RPS6KA5: variants seen among roughly 807,000 people sequenced by gnomAD.
The protein encoded by RPS6KA5 is ribosomal protein S6 kinase A5, also known as ribosomal protein S6 kinase alpha-5.
Under a neutral mutation model 85.5 loss-of-function variants are expected in RPS6KA5, and 27 were observed. The observed-to-expected ratio is 0.32, with a 90% CI of 0.23 to 0.44. The LOEUF is 0.44. Ranked by LOEUF, RPS6KA5 falls within the 20% of genes least tolerant of loss-of-function variation. RPS6KA5 has a pLI of 1.00. For missense variants in RPS6KA5, 811 were observed against 980.9 expected, an observed-to-expected ratio of 0.83 and a Z score of 2.31; for synonymous variants, 334 against 348.2, an observed-to-expected ratio of 0.96 and a Z score of 0.46.
intron 1 of RPS6KA5, among the ~76,000 whole-genome samples, chr14:91,017,700 C>G (rs1169504832): frequency 2.0e-5 from 3 of 152,212 alleles, no homozygotes; most frequent in Non-Finnish European, 4.4e-5. Flanking sequence ...AGTGGCACCA[C>G]TCACTATTAA....
intron 14 of RPS6KA5, among the ~76,000 whole-genome samples, chr14:90,890,198 T>A (rs1414701476): frequency 6.6e-6 from 1 of 152,224 alleles, no homozygotes; most frequent in East Asian, 1.9e-4. Context: ...ATGTCCAATA[T>A]AATATGTGTC....
chr14:90,981,009 T>C (rs1198025564), intron 2 of RPS6KA5, among the ~76,000 whole-genome samples: 1 of 152,124 alleles, frequency 6.6e-6, no homozygotes, highest in Non-Finnish European at 1.5e-5. Flanking sequence ...CTGTCTCTAC[T>C]GAAAACACAA....
rs2032929969 is a variant in RPS6KA5 at position 90,868,976 on chromosome 14, C to T, written c.*3098G>A. On this transcript the variant is annotated 3_prime_UTR_variant, in exon 17 of 17. Transcript: ENST00000614987. ...ACAGACAACAATGTGGAAATTAACT[C>T]AGGAGACTGACTTTCTATTCTAGTA... 6.6e-6 allele frequency: 1 copy of T among 152,154 alleles called. No homozygotes were observed. Among genetic ancestry groups the T allele is most frequent in the Non-Finnish European group, 1.5e-5 (1 of 68,032 alleles). 9.4% of individuals were successfully genotyped at this position (152,154 alleles called of 1,614,324 possible). A position where few individuals can be genotyped will look rare whatever the true frequency, so the allele number is the denominator to read the frequency against.
chr14:91,025,811 T>TA (rs71117398), intron 1 of RPS6KA5, among the ~76,000 whole-genome samples: 74,424 of 143,480 alleles, frequency 0.52, 18,773 homozygotes, highest in East Asian at 0.55. Context: ...CTTTTTCTCT[T>TA]AAAAAAAAAA....
chr14:90,902,991 C>A, intron 8 of RPS6KA5, 22 bp from the exon 9 acceptor site: 2 of 1,595,822 alleles, frequency 1.3e-6, no homozygotes, highest in South Asian at 1.1e-5. Context: ...AAAGTTGGTA[C>A]AAAGTAGAAA....
chr14:91,006,705 T>C (rs1203820807), intron 1 of RPS6KA5, among the ~76,000 whole-genome samples: 4 of 152,346 alleles, frequency 2.6e-5, no homozygotes, highest in Middle Eastern at 3.4e-3. Flanking sequence ...GAAACTAAGA[T>C]ACCTGGTGTT....
At chr14:90,935,919 C>A (rs983375671) in intron 5 of RPS6KA5, among the ~76,000 whole-genome samples, 1 of 152,138 alleles carries the variant, frequency 6.6e-6, no homozygotes, top group Non-Finnish European at 1.5e-5. Context: ...TAAATATGAA[C>A]AGACACAATT....
chr14:90,971,009 T>C (rs1349858862), intron 3 of RPS6KA5, among the ~76,000 whole-genome samples: 2 of 152,110 alleles, frequency 1.3e-5, no homozygotes, highest in Non-Finnish European at 2.9e-5. Flanking sequence ...ACCACCATTT[T>C]TGTAAATAAA....
chr14:90,850,051 T>C lies in RPS6KA5; in HGVS notation c.*22023A>G, dbSNP rs531098669. ...AAAGGAATCCCCAGTCTCTTTGAAG[T>C]ATGTGCCTTAGAAGGAAAGTTTCAG... On this transcript the variant is annotated 3_prime_UTR_variant, in exon 17 of 17. Transcript: ENST00000614987. The C allele has an allele frequency of 6.6e-6, 1 of 152,350 alleles. No homozygotes were observed. Among genetic ancestry groups the C allele is most frequent in the South Asian group, 2.1e-4 (1 of 4,826 alleles). The allele number at this position is 152,350 out of a possible 1,614,324, so 9.4% of individuals were successfully genotyped here.
intron 8 of RPS6KA5, 60 bp downstream of exon 8, chr14:90,906,089 C>T (rs1049548142): frequency 2.0e-5 from 29 of 1,458,026 alleles, no homozygotes; most frequent in Admixed American, 6.0e-5. Context: ...TCACCAAGAA[C>T]GCCAAGGACC....
intron 7 of RPS6KA5, among the ~76,000 whole-genome samples, chr14:90,907,269 G>T (rs1003805424): frequency 1.3e-5 from 2 of 152,192 alleles, no homozygotes; most frequent in African/African-American, 4.8e-5. Context: ...ATAAGAGACA[G>T]TATAGTGTGG....
intron 14 of RPS6KA5, among the ~76,000 whole-genome samples, chr14:90,888,598 A>G (rs11847613): frequency 0.079 from 12,047 of 152,256 alleles, 594 homozygotes; most frequent in East Asian, 0.24. Flanking sequence ...ACCATCCTGC[A>G]GGGACAACTG....
chr14:90,990,551 A>G (rs906453175), intron 2 of RPS6KA5, among the ~76,000 whole-genome samples: 2 of 152,230 alleles, frequency 1.3e-5, no homozygotes, highest in African/African-American at 4.8e-5. Flanking sequence ...AATATAAATC[A>G]TTCTACCAAA....
At chr14:91,042,888 C>T (rs549778631) in intron 1 of RPS6KA5, among the ~76,000 whole-genome samples, 93 of 152,228 alleles carry the variant, frequency 6.1e-4, no homozygotes, top group African/African-American at 2.1e-3. Context: ...TACCATCACT[C>T]ATCTTAAAAC....
At position 90,855,011 on chromosome 14, in the gene RPS6KA5, A is replaced by AT. The variant is rs934669400; in HGVS notation, c.*17062dup. The stretch of plus-strand genomic sequence containing the variant: ...TTTTGAAGTTTTAAAAGTCTAATCG[A>AT]TTTTTTTCAATACATTTCATCTCTT... On this transcript the variant is annotated 3_prime_UTR_variant, in exon 17 of 17. Coordinates refer to ENST00000614987, the MANE Select transcript of RPS6KA5 (RefSeq NM_004755.4). 11 of 152,128 alleles carry AT rather than the reference A, an allele frequency of 7.2e-5. No homozygotes were observed. Among genetic ancestry groups the AT allele is most frequent in the Non-Finnish European group, 1.3e-4 (9 of 68,012 alleles). 9.4% of individuals were successfully genotyped at this position (152,128 alleles called of 1,614,324 possible).
chr14:90,910,103 G>A (rs372596966), intron 7 of RPS6KA5, among the ~76,000 whole-genome samples: 3 of 151,442 alleles, frequency 2.0e-5, no homozygotes, highest in Admixed American at 6.6e-5. Context: ...AAAAAAAAAT[G>A]ACCAGATCGC....
intron 7 of RPS6KA5, 85 bp from the exon 8 acceptor site, chr14:90,906,384 C>T: frequency 9.1e-7 from 1 of 1,095,744 alleles, no homozygotes; most frequent in Non-Finnish European, 1.3e-6. Context: ...TGAAACTGAA[C>T]CACATGTGAA....
intron 1 of RPS6KA5, among the ~76,000 whole-genome samples, chr14:91,042,995 T>G (rs1262328594): frequency 6.6e-6 from 1 of 152,204 alleles, no homozygotes; most frequent in South Asian, 2.1e-4. Flanking sequence ...TCAAAAGTTA[T>G]CTTCACCTGC....
chr14:91,029,955 A>G (rs575053016), intron 1 of RPS6KA5, among the ~76,000 whole-genome samples: 1 of 152,338 alleles, frequency 6.6e-6, no homozygotes, highest in African/African-American at 2.4e-5. Flanking sequence ...AAAGACATTT[A>G]TAACCCTAAG....
Sources: allele counts gnomAD v4.1 joint callset (sites outside exome capture counted in the v4.1 genomes callset), GRCh38; gene constraint gnomAD v4.1.1; transcripts MANE v1.5; gene names NCBI Gene and HGNC (gene_info 2026-07-23, HGNC 2026-07-21).